The following ZNF658 variants were observed in gnomAD, a reference collection of about 807,000 sequenced individuals.
ZNF658 encodes zinc finger protein 658.
Under a neutral mutation model 78.0 loss-of-function variants are expected in ZNF658, and 46 were observed. The observed-to-expected ratio is 0.59, with a 90% CI of 0.47 to 0.75. The LOEUF (loss-of-function observed/expected upper bound fraction) is 0.75, where lower values mean the gene tolerates loss of function less well. Among genes scored for constraint, ZNF658 ranks in the 30% least tolerant of loss-of-function variants. The pLI is 0.00. For missense variants in ZNF658, 785 were observed against 1,189.3 expected (o/e 0.66, Z 5.00); for synonymous variants, 279 against 408.4 (o/e 0.68, Z 3.82).
chr9:66,904,869 G>A (rs1822036426), intron 2 of ZNF658, among the ~76,000 whole-genome samples: 1 of 151,716 alleles, frequency 6.6e-6, no homozygotes, highest in Non-Finnish European at 1.5e-5. Flanking sequence ...GAGGTTATTG[G>A]TTGACAGTCT....
At chr9:66,912,876 T>C in intron 4 of ZNF658, among the ~76,000 whole-genome samples, 1 of 150,268 alleles carries the variant, frequency 6.7e-6, no homozygotes, top group East Asian at 2.0e-4. Flanking sequence ...CAAAACCCTG[T>C]CTCTACTAAA....
chr9:66,905,157 C>T (rs1168332228), intron 2 of ZNF658, among the ~76,000 whole-genome samples: 3 of 132,720 alleles, frequency 2.3e-5, no homozygotes, highest in Non-Finnish European at 3.1e-5. Flanking sequence ...CTCACTGTAA[C>T]CTCCACCTTC....
intron 6 of ZNF658, among the ~76,000 whole-genome samples, chr9:66,930,628 T>G (rs1488730651): frequency 1.3e-5 from 2 of 151,918 alleles, no homozygotes; most frequent in Non-Finnish European, 2.9e-5. Context: ...GTCAACATGG[T>G]GAAATGCCGT....
intron 1 of ZNF658, among the ~76,000 whole-genome samples, chr9:66,902,052 G>A (rs774903819): frequency 1.3e-5 from 2 of 151,984 alleles, no homozygotes; most frequent in African/African-American, 2.4e-5. Context: ...CTAAATATTC[G>A]ACTTGTAGCA....
downstream of ZNF658, among the ~76,000 whole-genome samples, chr9:66,921,677 A>G (rs1352565188): frequency 3.3e-5 from 5 of 152,064 alleles, no homozygotes; most frequent in Non-Finnish European, 5.9e-5. Context: ...CGATTGCAGA[A>G]TGGCAAATGT....
intron 1 of ZNF658, chr9:66,901,088 T>A (rs1331828560): frequency 2.0e-5 from 3 of 152,288 alleles, no homozygotes; most frequent in Non-Finnish European, 2.9e-5. Context: ...AGGTTACTAG[T>A]AACTCGTGTT....
chr9:66,911,005 A>G lies in ZNF658; in HGVS notation c.238+2271A>G, dbSNP rs555478413. On this transcript the variant is annotated intron_variant, in intron 4 of 4. Transcript: ENST00000621410. ...ATAATATAATATCAATGTTTCTAAA[A>G]CATAAAATAATGGAGTTCTAAGAAC... 7.3e-5 allele frequency among the ~76,000 whole-genome samples: 11 copies of G among 150,576 alleles called. No homozygotes were observed. The South Asian group carries it at 2.3e-3, about 32-fold the overall frequency.
Position 66,920,243 on chromosome 9 carries a change from A to AC in ZNF658, c.2677_2678insC (p.Lys893ThrfsTer10), listed in dbSNP as rs1822481444. On this transcript the variant is annotated frameshift_variant, in exon 5 of 5. Transcript: ENST00000621410. LOFTEE classifies it high-confidence loss of function. ...TAATGACTGTGGGAAGACTTTCTCCAAGACATCACATCTCAGAGCACATCT... is the reference window on the plus strand; with the variant it reads ...TAATGACTGTGGGAAGACTTTCTCCACAGACATCACATCTCAGAGCACATCT... 1 of 1,605,710 alleles carries AC rather than the reference A, an allele frequency of 6.2e-7. No individual in the cohort carries two copies. The highest frequency in any genetic ancestry group is 8.5e-7 in the Non-Finnish European group (1 of 1,176,370).
intron 1 of ZNF658, among the ~76,000 whole-genome samples, chr9:66,901,872 G>A (rs1231858539): frequency 6.6e-6 from 1 of 152,078 alleles, no homozygotes; most frequent in African/African-American, 2.4e-5. Context: ...CGAACCCGAG[G>A]CGGACGCTGC....
chr9:66,918,139 T>C lies in ZNF658; in HGVS notation c.573T>C (p.His191=), dbSNP rs1822383864. The C allele has an allele frequency of 1.3e-6, 2 of 1,595,016 alleles. No homozygotes were observed. The highest frequency in any genetic ancestry group is 1.7e-6 in the Non-Finnish European group (2 of 1,174,794). ...KAHAEEKSYE[H]GENAKAFSYK... is the part of the protein sequence containing the mutation. ...ATGCTGAAGAGAAATCTTATGAACA[T>C]GGTGAAAATGCTAAAGCTTTCAGTT... is the stretch of plus-strand genomic sequence containing the variant. Residue 191 remains histidine (H), a synonymous_variant, in exon 5 of 5, where the codon CAT becomes CAC. Coordinates refer to ENST00000621410, the MANE Select transcript of ZNF658 (RefSeq NM_033160.7).
At chr9:66,927,492 C>A (rs530065281) in intron 6 of ZNF658, among the ~76,000 whole-genome samples, 1 of 151,424 alleles carries the variant, frequency 6.6e-6, no homozygotes, top group South Asian at 2.1e-4. Flanking sequence ...TCCAATAATC[C>A]CACTTCTGGG....
intron 1 of ZNF658, chr9:66,902,865 AT>A (rs1182750479): frequency 2.6e-5 from 4 of 151,410 alleles, no homozygotes; most frequent in African/African-American, 9.7e-5. Context: ...TTTAAAAAAA[AT>A]TATTTTTAAA....
Position 66,900,829 on chromosome 9 carries a change from C to T in ZNF658, c.-52C>T, listed in dbSNP as rs1392181577. The T allele has an allele frequency of 1.3e-5, 2 of 152,284 alleles. No individual in the cohort carries two copies. Among genetic ancestry groups the T allele is most frequent in the Non-Finnish European group, 2.9e-5 (2 of 68,090 alleles). The allele number at this position is 152,284 out of a possible 1,614,324, so 9.4% of individuals were successfully genotyped here. A position where few individuals can be genotyped will look rare whatever the true frequency, so the allele number is the denominator to read the frequency against. ...GGTCTGCGCGGGAGCCGAGGCTGCG[C>T]ACCTGGGGTGAGAGCGTCGGTGACA... On this transcript the variant is annotated 5_prime_UTR_variant, in exon 1 of 5. Coordinates refer to ENST00000621410, the MANE Select transcript of ZNF658 (RefSeq NM_033160.7).
intron 1 of ZNF658, among the ~76,000 whole-genome samples, chr9:66,901,248 T>A (rs1051464532): frequency 5.3e-5 from 8 of 152,050 alleles, no homozygotes; most frequent in Admixed American, 6.6e-5. Flanking sequence ...AACGACCTCT[T>A]TGGTATAAAC....
At position 66,921,207 on chromosome 9, in the gene ZNF658, T is replaced by G. The variant is rs954709279; in HGVS notation, c.*461T>G. ...AATGGACGTAGTTTAGCTTAAACTT[T>G]ATGTTAGAGTGAGATGAAACCCTAT... is the stretch of plus-strand genomic sequence containing the variant. On this transcript the variant is annotated 3_prime_UTR_variant, in exon 5 of 5. Coordinates refer to ENST00000621410, the MANE Select transcript of ZNF658 (RefSeq NM_033160.7). The G allele has an allele frequency of 1.6e-4, 25 of 159,544 alleles. No homozygotes were observed. Among genetic ancestry groups the G allele is most frequent in the African/African-American group, 6.1e-4 (25 of 41,320 alleles). 9.9% of individuals were successfully genotyped at this position (159,544 alleles called of 1,614,324 possible).
At chr9:66,910,229 T>A (rs1282957196) in intron 4 of ZNF658, among the ~76,000 whole-genome samples, 3 of 152,172 alleles carry the variant, frequency 2.0e-5, no homozygotes, top group Non-Finnish European at 2.9e-5. Context: ...ATCAGGCATC[T>A]TTTTATATGC....
At chr9:66,904,487 A>G (rs1189698684) in intron 2 of ZNF658, among the ~76,000 whole-genome samples, 1 of 151,468 alleles carries the variant, frequency 6.6e-6, no homozygotes, top group Non-Finnish European at 1.5e-5. Context: ...GTTGTCTCCA[A>G]ATGATTTTGT....
intron 4 of ZNF658, among the ~76,000 whole-genome samples, chr9:66,915,636 C>T (rs1202123068): frequency 1.3e-5 from 2 of 151,770 alleles, no homozygotes; most frequent in Non-Finnish European, 2.9e-5. Flanking sequence ...TGTAGTAGCC[C>T]GAACTAAGAC....
In ZNF658 at chr9:66,918,861, G is replaced by A. The variant is rs764154866; in HGVS notation, c.1295G>A (p.Gly432Glu). Reference sequence around the variant, plus strand: ...AGTTCACATCCTATTCAGCATCCTGGAACTTATGTGGGATTCAAACTTTAT... The same window carrying A: ...AGTTCACATCCTATTCAGCATCCTGAAACTTATGTGGGATTCAAACTTTAT... ...CSSSHPIQHP[G>E]TYVGFKLYEC... Residue 432 changes from glycine to glutamate, a missense_variant, in exon 5 of 5, where the codon GGA (glycine) becomes GAA (glutamate). Transcript: ENST00000621410. 2.5e-6 allele frequency: 4 copies of A among 1,601,876 alleles called. No individual in the cohort carries two copies. The highest frequency in any genetic ancestry group is 3.4e-6 in the Non-Finnish European group (4 of 1,171,648).
Sources: gnomAD v4.1 joint callset for allele counts (sites outside exome capture counted in the v4.1 genomes callset) on GRCh38, gnomAD v4.1.1 for gene constraint, MANE v1.5 for transcripts, NCBI Gene and HGNC (gene_info 2026-07-23, HGNC 2026-07-21) for gene names.